VSTM4: variants seen among roughly 807,000 people sequenced by gnomAD.
The protein encoded by VSTM4 is V-set and transmembrane domain-containing protein 4.
VSTM4 carries 20 observed loss-of-function variants against 36.4 expected under a neutral mutation model. That is an observed-to-expected ratio of 0.55 (90% confidence interval 0.39 to 0.80). The LOEUF (loss-of-function observed/expected upper bound fraction) is 0.80, where lower values mean the gene tolerates loss of function less well. Ranked by LOEUF, VSTM4 falls within the 30% of genes least tolerant of loss-of-function variation. VSTM4 has a pLI of 0.00. For synonymous variants in VSTM4, 182 were observed against 173.9 expected (o/e 1.05, Z -0.37); for missense variants, 392 against 404.5 (o/e 0.97, Z 0.26).
At chr10:49,056,448 C>G (rs1301585549) in intron 5 of VSTM4, among the ~76,000 whole-genome samples, 1 of 152,258 alleles carries the variant, frequency 6.6e-6, no homozygotes, top group African/African-American at 2.4e-5. Flanking sequence ...GGAGACCCCA[C>G]TCCCTGTTCA....
At chr10:49,080,300 G>A (rs1844255962) in intron 3 of VSTM4, among the ~76,000 whole-genome samples, 1 of 152,214 alleles carries the variant, frequency 6.6e-6, no homozygotes, top group Non-Finnish European at 1.5e-5. Context: ...GGAGAGCCTG[G>A]AGAAGCAGGT....
chr10:49,088,159 G>A (rs886930537), intron 2 of VSTM4, among the ~76,000 whole-genome samples: 3 of 152,022 alleles, frequency 2.0e-5, no homozygotes, highest in African/African-American at 7.2e-5. Context: ...CTGAGAGGTT[G>A]CCTTGATCAC....
chr10:49,070,570 C>T (rs2051035618), intron 4 of VSTM4, among the ~76,000 whole-genome samples: 1 of 152,226 alleles, frequency 6.6e-6, no homozygotes, highest in East Asian at 1.9e-4. Context: ...TGCAGCTGCC[C>T]ATGCCAGGAA....
At chr10:49,076,183 C>T (rs1466763445) in intron 4 of VSTM4, among the ~76,000 whole-genome samples, 4 of 152,178 alleles carry the variant, frequency 2.6e-5, no homozygotes, top group Non-Finnish European at 2.9e-5. Flanking sequence ...ACTGTGACCA[C>T]TGAATCTAAT....
At chr10:49,078,403 AG>A (rs1844217601) in intron 3 of VSTM4, among the ~76,000 whole-genome samples, 1 of 152,234 alleles carries the variant, frequency 6.6e-6, no homozygotes, top group Admixed American at 6.5e-5. Flanking sequence ...GATATCCTTC[AG>A]CAAGTGAATA....
chr10:49,063,192 T>A (rs1394483651), intron 5 of VSTM4, among the ~76,000 whole-genome samples: 2 of 152,016 alleles, frequency 1.3e-5, no homozygotes, highest in African/African-American at 4.8e-5. Context: ...TGCAAAAATA[T>A]AGCTGGGCAT....
chr10:49,057,371 G>T (rs922447958), intron 5 of VSTM4, among the ~76,000 whole-genome samples: 8 of 152,224 alleles, frequency 5.3e-5, no homozygotes, highest in African/African-American at 1.9e-4. Flanking sequence ...GAGCTGGGCT[G>T]CACCAGTCTA....
chr10:49,069,179 T>A (rs912249101), intron 4 of VSTM4, among the ~76,000 whole-genome samples: 2 of 152,140 alleles, frequency 1.3e-5, no homozygotes, highest in Non-Finnish European at 2.9e-5. Flanking sequence ...TGATTTGAGG[T>A]GGAGGCAGCC....
chr10:49,049,412 G>A (rs1306402345), intron 5 of VSTM4, among the ~76,000 whole-genome samples: 8 of 152,172 alleles, frequency 5.3e-5, no homozygotes, highest in Non-Finnish European at 7.3e-5. Context: ...TATGAAACTT[G>A]TTCTCGGTGC....
At chr10:49,064,382 A>T in intron 5 of VSTM4, 1 of 328,552 alleles carries the variant, frequency 3.0e-6, no homozygotes, top group Non-Finnish European at 5.6e-6. Context: ...TTGTGGTCAA[A>T]ATGTATCAAA....
rs370133319 is a variant in VSTM4 at position 49,014,920 on chromosome 10, C to A, written c.*4730G>T. The A allele has an allele frequency of 6.6e-6, 1 of 152,486 alleles. No individual in the cohort carries two copies. The highest frequency in any genetic ancestry group is 2.1e-4 in the South Asian group (1 of 4,828). 9.4% of individuals were successfully genotyped at this position (152,486 alleles called of 1,614,324 possible). On this transcript the variant is annotated 3_prime_UTR_variant, in exon 8 of 8. Transcript: ENST00000332853. Reference sequence around the variant, plus strand: ...GCAGCCTCTCCCTGGGACTCTTGCCCGCTGTCAGGGCTTTGGCTGTGACCT... The same window carrying A: ...GCAGCCTCTCCCTGGGACTCTTGCCAGCTGTCAGGGCTTTGGCTGTGACCT...
rs1843147404 is a variant in VSTM4, at chr10:49,019,453, G to A, written c.*197C>T. 1 of 588,242 alleles carries A rather than the reference G, an allele frequency of 1.7e-6. No homozygotes were observed. Among genetic ancestry groups the A allele is most frequent in the South Asian group, 6.7e-5 (1 of 14,880 alleles). The allele number at this position is 588,242 out of a possible 1,614,324, so 36.4% of individuals were successfully genotyped here. On this transcript the variant is annotated 3_prime_UTR_variant, in exon 8 of 8. Transcript: ENST00000332853. ...AGGCGCATCTTGTCCCGGGAGATCT[G>A]TCAAGAGCTGTGGCCCCGATTCTTT...
chr10:49,086,233 C>G (rs1026574611), intron 2 of VSTM4, among the ~76,000 whole-genome samples: 1 of 152,186 alleles, frequency 6.6e-6, no homozygotes, highest in Non-Finnish European at 1.5e-5. Context: ...TGTTTAAAAG[C>G]CAGTAAATGG....
chr10:49,080,215 C>T (rs1038233836), intron 3 of VSTM4, among the ~76,000 whole-genome samples: 19 of 152,288 alleles, frequency 1.2e-4, no homozygotes, highest in South Asian at 6.2e-4. Flanking sequence ...GCCCTTGTGG[C>T]GTGGAGAAGC....
In VSTM4 at chr10:49,019,639, T is replaced by A. The variant is rs766143590; in HGVS notation, c.*11A>T. 7 of 1,595,916 alleles carry A rather than the reference T, an allele frequency of 4.4e-6. No homozygotes were observed. The South Asian group carries it at 8.0e-5, about 18-fold the overall frequency. ...CAGGTATTAAATAGAACCTTGGAGG[T>A]GGACGCTGTACTACAGCTTGTTCTC... is the stretch of plus-strand genomic sequence containing the variant. On this transcript the variant is annotated 3_prime_UTR_variant, in exon 8 of 8. Transcript: ENST00000332853.
chr10:49,087,298 T>C (rs1414057790), intron 2 of VSTM4, among the ~76,000 whole-genome samples: 1 of 152,260 alleles, frequency 6.6e-6, no homozygotes, highest in Non-Finnish European at 1.5e-5. Flanking sequence ...TCTGCGACCA[T>C]ATCAATCATA....
At chr10:49,050,215 A>G (rs574958140) in intron 5 of VSTM4, among the ~76,000 whole-genome samples, 1 of 152,362 alleles carries the variant, frequency 6.6e-6, no homozygotes, top group African/African-American at 2.4e-5. Flanking sequence ...TTACATAAAA[A>G]TAAGGGGAAA....
intron 3 of VSTM4, among the ~76,000 whole-genome samples, chr10:49,078,983 C>T (rs192751472): frequency 7.9e-5 from 12 of 152,186 alleles, no homozygotes; most frequent in East Asian, 1.9e-4. Context: ...AGGTCCACGC[C>T]GCCACACCCA....
At chr10:49,058,176 A>G (rs147218493) in intron 5 of VSTM4, among the ~76,000 whole-genome samples, 187 of 152,282 alleles carry the variant, frequency 1.2e-3, no homozygotes, top group Middle Eastern at 3.4e-3. Flanking sequence ...TTGCTGCATT[A>G]TAACTTCCCT....
Sources: allele counts gnomAD v4.1 joint callset (sites outside exome capture counted in the v4.1 genomes callset), GRCh38; gene constraint gnomAD v4.1.1; transcripts MANE v1.5; gene names NCBI Gene and HGNC (gene_info 2026-07-23, HGNC 2026-07-21).